The following ARHGEF12 variants were observed in gnomAD, a reference collection of about 807,000 sequenced individuals.
ARHGEF12 encodes the protein Rho guanine nucleotide exchange factor 12, also known as KMT2A/ARHGEF12 fusion protein.
Under a neutral mutation model 211.2 loss-of-function variants are expected in ARHGEF12, and 66 were observed. That is an observed-to-expected ratio of 0.31 (90% confidence interval 0.26 to 0.38). The LOEUF is 0.38. Among genes scored for constraint, ARHGEF12 ranks in the 10% least tolerant of loss-of-function variants. The pLI, the probability that ARHGEF12 is intolerant of heterozygous loss-of-function variation, is 1.00. For missense variants in ARHGEF12, 1,429 were observed against 1,869.5 expected (o/e 0.76, Z 4.34); for synonymous variants, 592 against 638.4 (o/e 0.93, Z 1.09).
chr11:120,454,781 A>G (rs1946315950), intron 22 of ARHGEF12, among the ~76,000 whole-genome samples: 1 of 152,216 alleles, frequency 6.6e-6, no homozygotes, highest in Non-Finnish European at 1.5e-5. Context: ...CCATAGAGAT[A>G]CTTGAGTGTT....
intron 11 of ARHGEF12, among the ~76,000 whole-genome samples, chr11:120,436,057 G>A (rs775947021): frequency 6.6e-6 from 1 of 152,066 alleles, no homozygotes; most frequent in Non-Finnish European, 1.5e-5. Flanking sequence ...AGTTTTTTCA[G>A]GAGAGATGAT....
intron 11 of ARHGEF12, among the ~76,000 whole-genome samples, chr11:120,436,069 C>CTCTTACAA (rs948806435): frequency 2.6e-5 from 4 of 152,008 alleles, no homozygotes; most frequent in African/African-American, 7.3e-5. Flanking sequence ...AGAGATGATA[C>CTCTTACAA]TCTTACAAAC....
rs1198158523 is a variant in ARHGEF12, at chr11:120,458,079, G to T, written c.2226-1G>T. Reference sequence around the variant, plus strand: ...TTGAATTCACTCTTTTTTCTTCATAGGTTTGACAGTGTAGCTTTTGGAGAA... The same window carrying T: ...TTGAATTCACTCTTTTTTCTTCATATGTTTGACAGTGTAGCTTTTGGAGAA... On this transcript the variant is annotated splice_acceptor_variant, in intron 24 of 40. Coordinates refer to ENST00000397843, the MANE Select transcript of ARHGEF12 (RefSeq NM_015313.3). LOFTEE classifies it high-confidence loss of function. 2 of 1,603,592 alleles carry T rather than the reference G, an allele frequency of 1.2e-6. No individual in the cohort carries two copies. Among genetic ancestry groups the T allele is most frequent in the African/African-American group, 1.3e-5 (1 of 74,170 alleles).
intron 1 of ARHGEF12, among the ~76,000 whole-genome samples, chr11:120,345,668 A>T (rs1023094080): frequency 4.5e-5 from 6 of 131,914 alleles, no homozygotes; most frequent in African/African-American, 1.8e-4. Context: ...GCGCCACTGC[A>T]CTCCAGCCTG....
intron 4 of ARHGEF12, among the ~76,000 whole-genome samples, chr11:120,418,415 C>T (rs1267440632): frequency 6.6e-6 from 1 of 152,192 alleles, no homozygotes; most frequent in Non-Finnish European, 1.5e-5. Flanking sequence ...CTTCCTAATA[C>T]ATTGTATGGA....
In ARHGEF12 at chr11:120,364,242, T is replaced by C. The variant is rs894808430; in HGVS notation, c.32+26967T>C. 2.0e-5 allele frequency among the ~76,000 whole-genome samples: 3 copies of C among 152,052 alleles called. No individual in the cohort carries two copies. In the South Asian group the frequency reaches 6.2e-4, roughly 32 times the overall value. On this transcript the variant is annotated intron_variant, in intron 1 of 40. Coordinates refer to ENST00000397843, the MANE Select transcript of ARHGEF12 (RefSeq NM_015313.3). Reference sequence around the variant, plus strand: ...CCAAACAAAAAAAAATTTAGAAAAATCCCTTAGCCCATCCCATGCTGTGCT... The same window carrying C: ...CCAAACAAAAAAAAATTTAGAAAAACCCCTTAGCCCATCCCATGCTGTGCT...
intron 7 of ARHGEF12, among the ~76,000 whole-genome samples, chr11:120,425,682 G>T (rs1945323527): frequency 6.6e-6 from 1 of 150,714 alleles, no homozygotes; most frequent in Non-Finnish European, 1.5e-5. Context: ...TCACATGAGA[G>T]TCCACCACCT....
At chr11:120,426,438 C>T (rs1487108150) in intron 7 of ARHGEF12, among the ~76,000 whole-genome samples, 2 of 152,112 alleles carry the variant, frequency 1.3e-5, no homozygotes, top group Admixed American at 1.3e-4. Context: ...ATCTGTAAAG[C>T]CTGGGTGTAT....
intron 1 of ARHGEF12, among the ~76,000 whole-genome samples, chr11:120,383,387 T>C (rs974320151): frequency 6.6e-6 from 1 of 152,160 alleles, no homozygotes; most frequent in Non-Finnish European, 1.5e-5. Flanking sequence ...TTCAAGCACA[T>C]TACATTTATT....
chr11:120,388,274 G>T (rs1444430103), intron 1 of ARHGEF12, among the ~76,000 whole-genome samples: 1 of 152,128 alleles, frequency 6.6e-6, no homozygotes, highest in Admixed American at 6.5e-5. Flanking sequence ...ATTATTTTGA[G>T]ATTTGTCTGT....
At chr11:120,416,765 CT>C (rs1056475697) in intron 4 of ARHGEF12, among the ~76,000 whole-genome samples, 2 of 152,122 alleles carry the variant, frequency 1.3e-5, no homozygotes, top group Non-Finnish European at 1.5e-5. Flanking sequence ...ATTCTCCTGC[CT>C]CAGCCTCCTG....
intron 37 of ARHGEF12, 35 bp downstream of exon 37, chr11:120,478,424 C>G: frequency 6.5e-7 from 1 of 1,535,926 alleles, no homozygotes; most frequent in Non-Finnish European, 9.0e-7. Context: ...CAGATACTTA[C>G]TAAGTATGAC....
chr11:120,474,181 C>G (rs954582150), intron 31 of ARHGEF12, among the ~76,000 whole-genome samples: 1 of 152,174 alleles, frequency 6.6e-6, no homozygotes, highest in Non-Finnish European at 1.5e-5. Context: ...TCAGAAGCCA[C>G]TTTCTTATAG....
intron 27 of ARHGEF12, chr11:120,462,506 G>A (rs183238801): frequency 5.3e-5 from 8 of 152,272 alleles, no homozygotes; most frequent in African/African-American, 1.9e-4. Flanking sequence ...TTGGAAAAAC[G>A]GCACCAACAG....
rs374271700 is a variant in ARHGEF12, at chr11:120,407,794, G to T, written c.113G>T (p.Arg38Leu). The T allele has an allele frequency of 4.3e-6, 7 of 1,613,294 alleles. No individual in the cohort carries two copies. The African/African-American group carries it at 6.7e-5, about 15-fold the overall frequency. ...ACAGATAAGAAGCAGAAAGTTGAGC[G>T]CATTGCATCACATGATTTTGACCCC... ...SPTDKKQKVE[R>L]IASHDFDPTD... Residue 38 changes from arginine to leucine, a missense_variant, in exon 3 of 41, where the codon CGC (arginine) becomes CTC (leucine). Arg to Leu is a moderately radical substitution (Grantham distance 102, BLOSUM62 -2). This residue lies in a region of ARHGEF12 where 41 missense variants were observed against 48.6 expected (regional missense o/e 0.84). Transcript: ENST00000397843.
At chr11:120,465,076 G>C in intron 27 of ARHGEF12, 161 bp from the exon 28 acceptor site, 1 of 861,548 alleles carries the variant, frequency 1.2e-6, no homozygotes, top group Non-Finnish European at 1.8e-6. Context: ...GTCAAGATCA[G>C]ACCTTTTTAA....
Position 120,428,051 on chromosome 11 carries a change from C to T in ARHGEF12, c.407-18C>T. 6.6e-7 allele frequency: 1 copy of T among 1,515,854 alleles called. No individual in the cohort carries two copies. Among genetic ancestry groups the T allele is most frequent in the Non-Finnish European group, 8.8e-7 (1 of 1,132,160 alleles). 93.9% of individuals were successfully genotyped at this position (1,515,854 alleles called of 1,614,324 possible). A position where few individuals can be genotyped will look rare whatever the true frequency, so the allele number is the denominator to read the frequency against. On this transcript the variant is annotated intron_variant, in intron 7 of 40. Transcript: ENST00000397843. ...TTATTTTCCCTTCCCTTCCCTTTTTCCGTCTCCCCACCCCAAGCTGGTTCC... is the reference window on the plus strand; with the variant it reads ...TTATTTTCCCTTCCCTTCCCTTTTTTCGTCTCCCCACCCCAAGCTGGTTCC...
At position 120,458,080 on chromosome 11, in the gene ARHGEF12, G is replaced by A. The variant is rs774138945; in HGVS notation, c.2226G>A (p.Lys742=). Residue 742 remains lysine, a splice_region_variant and synonymous_variant, in exon 25 of 41, where the codon AAG becomes AAA. Coordinates refer to ENST00000397843, the MANE Select transcript of ARHGEF12 (RefSeq NM_015313.3). The part of the protein sequence containing the change: ...TEHGTPKPFR[K]FDSVAFGESQ... ...TGAATTCACTCTTTTTTCTTCATAG[G>A]TTTGACAGTGTAGCTTTTGGAGAAA... 5.6e-6 allele frequency: 9 copies of A among 1,604,484 alleles called. No individual in the cohort carries two copies. The highest frequency in any genetic ancestry group is 5.1e-6 in the Non-Finnish European group (6 of 1,177,822).
At chr11:120,440,274 A>T in intron 13 of ARHGEF12, 53 bp downstream of exon 13, 1 of 1,440,388 alleles carries the variant, frequency 6.9e-7, no homozygotes, top group Non-Finnish European at 9.7e-7. Context: ...GCAATATCTG[A>T]TTTGTTGCAA....
Sources: gnomAD v4.1 joint callset for allele counts (sites outside exome capture counted in the v4.1 genomes callset) on GRCh38, gnomAD v4.1.1 for gene constraint, gnomAD v4.1.1 regional missense constraint, MANE v1.5 for transcripts, NCBI Gene and HGNC (gene_info 2026-07-23, HGNC 2026-07-21) for gene names.